The following MEGF6 variants were observed in gnomAD, a reference collection of about 807,000 sequenced individuals.
MEGF6 encodes multiple epidermal growth factor-like domains protein 6.
In MEGF6, 184 loss-of-function variants were observed where a neutral mutation model predicts 207.1. The observed-to-expected ratio is 0.89, with a 90% confidence interval of 0.79 to 1.00. The LOEUF (loss-of-function observed/expected upper bound fraction) is 1.00, where lower values mean the gene tolerates loss of function less well. Ranked by LOEUF, MEGF6 falls within the 50% of genes least tolerant of loss-of-function variation. The pLI is 0.00. For missense variants in MEGF6, 2,282 were observed against 2,202.9 expected, an observed-to-expected ratio of 1.04 and a Z score of -0.72; for synonymous variants, 1,038 against 910.0, an observed-to-expected ratio of 1.14 and a Z score of -2.53.
At chr1:3,508,729 C>G in intron 12 of MEGF6, 40 bp from the exon 13 acceptor site, 1 of 1,604,596 alleles carries the variant, frequency 6.2e-7, no homozygotes, top group Non-Finnish European at 8.5e-7. Flanking sequence ...GAGCCTGACC[C>G]CTGGCCTCAG....
chr1:3,513,350 T>C (rs1641421155), intron 7 of MEGF6, among the ~76,000 whole-genome samples: 1 of 151,610 alleles, frequency 6.6e-6, no homozygotes, highest in Non-Finnish European at 1.5e-5. Flanking sequence ...TAGCTGGGAC[T>C]CCTGCCTCGG....
chr1:3,604,190 G>A (rs1644206878), intron 1 of MEGF6, among the ~76,000 whole-genome samples: 1 of 152,172 alleles, frequency 6.6e-6, no homozygotes, highest in Non-Finnish European at 1.5e-5. Flanking sequence ...TGCTGGACAT[G>A]TCCTGCCCAT....
chr1:3,569,625 C>T (rs1000170178), intron 4 of MEGF6, among the ~76,000 whole-genome samples: 5 of 152,216 alleles, frequency 3.3e-5, no homozygotes, highest in East Asian at 1.9e-4. Context: ...ACGGGGTCTC[C>T]GGCCTGGGGC....
chr1:3,609,818 C>T (rs1367726183), intron 1 of MEGF6, among the ~76,000 whole-genome samples: 2 of 152,212 alleles, frequency 1.3e-5, no homozygotes, highest in African/African-American at 2.4e-5. Context: ...AGGTCGCTGA[C>T]GGTTTCCACA....
rs1553204690 is a variant in MEGF6 at position 3,572,672 on chromosome 1, C to CCCAGGTGTGCTGGGTCCTT, written c.481+7134_481+7152dup. ...GGTCCTTCCTGGTGTACTGGGTCCTCCCAGGTGTGCTGGGTCCTTCCTGAG... is the reference window on the plus strand; with the variant it reads ...GGTCCTTCCTGGTGTACTGGGTCCTCCCAGGTGTGCTGGGTCCTTCCAGGTGTGCTGGGTCCTTCCTGAG... On this transcript the variant is annotated intron_variant, in intron 4 of 36. Transcript: ENST00000356575. Among the ~76,000 whole-genome samples, 591 of 128,734 alleles carry CCCAGGTGTGCTGGGTCCTT rather than the reference C, an allele frequency of 4.6e-3. 8 individuals carry two copies. The highest frequency in any genetic ancestry group is 0.017 in the African/African-American group (559 of 32,794). The allele number at this position is 128,734 out of a possible 152,430, so 84.5% of individuals were successfully genotyped here. A position where few individuals can be genotyped will look rare whatever the true frequency, so the allele number is the denominator to read the frequency against.
intron 5 of MEGF6, among the ~76,000 whole-genome samples, chr1:3,521,067 G>A (rs1641728768): frequency 6.6e-6 from 1 of 152,166 alleles, no homozygotes; most frequent in African/African-American, 2.4e-5. Flanking sequence ...AAGCCCGTGG[G>A]GGCATGTTCC....
At chr1:3,611,803 A>T (rs1644331880), upstream of MEGF6, among the ~76,000 whole-genome samples, 1 of 142,914 alleles carries the variant, frequency 7.0e-6, no homozygotes, top group Admixed American at 6.9e-5. Context: ...GGGCTGGCGC[A>T]GCCCCTTTGC....
At chr1:3,571,725 C>CT (rs201262414) in intron 4 of MEGF6, among the ~76,000 whole-genome samples, 2 of 122,624 alleles carry the variant, frequency 1.6e-5, no homozygotes, top group African/African-American at 4.9e-5. Context: ...GTGCTGGGTC[C>CT]TTGCGGGTGC....
intron 5 of MEGF6, among the ~76,000 whole-genome samples, chr1:3,522,792 C>T (rs1641804690): frequency 6.6e-6 from 1 of 152,144 alleles, no homozygotes; most frequent in Non-Finnish European, 1.5e-5. Context: ...CCTGGGCTGC[C>T]CTTCTACAAG....
At chr1:3,614,027 A>G (rs4648530), upstream of MEGF6, among the ~76,000 whole-genome samples, 26,995 of 152,240 alleles carry the variant, frequency 0.18, 2,876 homozygotes, top group East Asian at 0.38. Flanking sequence ...CCCTGCGGTC[A>G]GGACACCTGC....
At chr1:3,535,289 A>G (rs1366129560) in intron 4 of MEGF6, among the ~76,000 whole-genome samples, 1 of 152,174 alleles carries the variant, frequency 6.6e-6, no homozygotes, top group Non-Finnish European at 1.5e-5. Flanking sequence ...AAGCTTCCTG[A>G]CAACAAGTTC....
At chr1:3,506,476 A>G (rs1314783128) in intron 14 of MEGF6, among the ~76,000 whole-genome samples, 1 of 152,088 alleles carries the variant, frequency 6.6e-6, no homozygotes, top group Non-Finnish European at 1.5e-5. Flanking sequence ...CTCGGCCCAC[A>G]CTGGAGAGAT....
At chr1:3,518,974 G>C (rs1457133430) in intron 5 of MEGF6, among the ~76,000 whole-genome samples, 1 of 152,194 alleles carries the variant, frequency 6.6e-6, no homozygotes, top group Non-Finnish European at 1.5e-5. Flanking sequence ...GAGAGCAGCT[G>C]TCCTCGTCCA....
At chr1:3,511,853 C>T (rs1433967246) in intron 8 of MEGF6, among the ~76,000 whole-genome samples, 153 bp downstream of exon 8, 1 of 152,168 alleles carries the variant, frequency 6.6e-6, no homozygotes, top group African/African-American at 2.4e-5. Context: ...ACCCCCTGCT[C>T]TCCCTCGACC....
rs529704965 is a variant in MEGF6 at position 3,502,715 on chromosome 1, G to A, written c.2189-794C>T. On this transcript the variant is annotated intron_variant, in intron 17 of 36. Transcript: ENST00000356575. ...CCCCTGGAGAGGGCCTGCAGGGGCT[G>A]CTCCCCATGGCCTGGCAGAGCCGTG... Among the ~76,000 whole-genome samples the A allele has an allele frequency of 3.9e-5, 6 of 152,156 alleles. No homozygotes were observed. The South Asian group carries it at 1.2e-3, about 31-fold the overall frequency.
At chr1:3,584,878 C>T (rs1643870997) in intron 3 of MEGF6, among the ~76,000 whole-genome samples, 1 of 152,262 alleles carries the variant, frequency 6.6e-6, no homozygotes, top group Non-Finnish European at 1.5e-5. Context: ...GCTCCCAGCC[C>T]GGAGGTGCCT....
chr1:3,548,952 C>T (rs116241995), intron 4 of MEGF6, among the ~76,000 whole-genome samples: 2,125 of 152,312 alleles, frequency 0.014, 22 homozygotes, highest in Non-Finnish European at 0.022. Flanking sequence ...GGACAGCCAC[C>T]GCTGCCTGGT....
At position 3,573,686 on chromosome 1, in the gene MEGF6, C is replaced by T. The variant is rs113916525; in HGVS notation, c.481+6139G>A. On this transcript the variant is annotated intron_variant, in intron 4 of 36. Coordinates refer to ENST00000356575, the MANE Select transcript of MEGF6 (RefSeq NM_001409.4). This position sits in a 1 kb window ranked among gnomAD's most constrained non-coding sequence, Gnocchi z 5.1. ...CCCAGAGCCCGCCCTTCCAGGAGCC[C>T]CGTCCTCCCCTCCCACCACTCCCTG... Among the ~76,000 whole-genome samples, 12 of 152,260 alleles carry T rather than the reference C, an allele frequency of 7.9e-5. No individual in the cohort carries two copies. Among genetic ancestry groups the T allele is most frequent in the African/African-American group, 2.9e-4 (12 of 41,554 alleles).
chr1:3,490,625 G>C, intron 36 of MEGF6, 36 bp from the exon 37 acceptor site: 1 of 1,605,654 alleles, frequency 6.2e-7, no homozygotes, highest in Non-Finnish European at 8.5e-7. Flanking sequence ...AGTCCAGGGT[G>C]GGGCGGGTGC....
Sources: allele counts gnomAD v4.1 joint callset (sites outside exome capture counted in the v4.1 genomes callset), GRCh38; gene constraint gnomAD v4.1.1; non-coding constraint Gnocchi (gnomAD v3.1); transcripts MANE v1.5; gene names NCBI Gene and HGNC (gene_info 2026-07-23, HGNC 2026-07-21).